WDR70: variants seen among roughly 807,000 people sequenced by gnomAD.
WDR70 encodes the protein WD repeat domain 70.
A neutral mutation model predicts 88.6 loss-of-function variants in WDR70; 53 were observed. That is an observed-to-expected ratio of 0.60 (90% CI 0.48 to 0.75). The LOEUF is 0.75. WDR70 is among the 30% of genes least tolerant of loss of function. The pLI is 0.00. For synonymous variants in WDR70, 280 were observed against 270.0 expected (o/e 1.04, Z -0.36); for missense variants, 610 against 823.2 (o/e 0.74, Z 3.17).
At chr5:37,519,035 CAGA>C (rs1293121111) in intron 9 of WDR70, among the ~76,000 whole-genome samples, 5 of 152,168 alleles carry the variant, frequency 3.3e-5, no homozygotes, top group African/African-American at 1.2e-4. Context: ...CATCCCAAGG[CAGA>C]AGAATTTTTC....
At chr5:37,491,834 A>G (rs1214691332) in intron 8 of WDR70, among the ~76,000 whole-genome samples, 2 of 152,192 alleles carry the variant, frequency 1.3e-5, no homozygotes, top group African/African-American at 2.4e-5. Flanking sequence ...TATTAATAAT[A>G]GATATAACTA....
chr5:37,582,273 G>C (rs1743241302), intron 9 of WDR70, among the ~76,000 whole-genome samples: 1 of 152,154 alleles, frequency 6.6e-6, no homozygotes, highest in Non-Finnish European at 1.5e-5. Context: ...AGGGATAGGT[G>C]AAAACCAAAC....
intron 10 of WDR70, among the ~76,000 whole-genome samples, chr5:37,663,188 G>C (rs1179868044): frequency 6.6e-6 from 1 of 152,164 alleles, no homozygotes; most frequent in Non-Finnish European, 1.5e-5. Context: ...AGGGAAAATG[G>C]TTTTAGTTTT....
chr5:37,401,164 ATT>A (rs559450523), intron 5 of WDR70, among the ~76,000 whole-genome samples: 5,860 of 68,740 alleles, frequency 0.085, 539 homozygotes, highest in African/African-American at 0.29. Flanking sequence ...ACACCTAGCT[ATT>A]TTTTTTTTTT....
Position 37,396,911 on chromosome 5 carries a change from G to A in WDR70, c.492+341G>A, listed in dbSNP as rs950351523. Among the ~76,000 whole-genome samples, 32 of 152,242 alleles carry A rather than the reference G, an allele frequency of 2.1e-4. 1 individual carries two copies. Among genetic ancestry groups the A allele is most frequent in the Non-Finnish European group, 7.3e-5 (5 of 68,050 alleles). On this transcript the variant is annotated intron_variant, in intron 5 of 17. Transcript: ENST00000265107. ...TAATCCCGGCACTTTGGGAGGCCGAGGTGGACGGATCGCTTGAGCTCAGGA... is the reference window on the plus strand; with the variant it reads ...TAATCCCGGCACTTTGGGAGGCCGAAGTGGACGGATCGCTTGAGCTCAGGA...
chr5:37,748,749 G>A (rs1001587405), intron 17 of WDR70, among the ~76,000 whole-genome samples: 13 of 152,078 alleles, frequency 8.5e-5, no homozygotes, highest in African/African-American at 3.1e-4. Context: ...GAATTTACAA[G>A]GAACTTAAAC....
At chr5:37,386,473 C>T (rs1325027525) in intron 3 of WDR70, among the ~76,000 whole-genome samples, 5 of 152,088 alleles carry the variant, frequency 3.3e-5, no homozygotes, top group Admixed American at 6.6e-5. Context: ...ATTATAGGCA[C>T]GTGCCACCAC....
rs913622216 is a variant in WDR70 at position 37,684,930 on chromosome 5, G to A, written c.1093-12725G>A. Reference sequence around the variant, plus strand: ...TGGAGGAAGCAGAGCTCAGGGGCATGAGGGCCCACACTGGTGTGTATGTGG... The same window carrying A: ...TGGAGGAAGCAGAGCTCAGGGGCATAAGGGCCCACACTGGTGTGTATGTGG... On this transcript the variant is annotated intron_variant, in intron 10 of 17. Coordinates refer to ENST00000265107, the MANE Select transcript of WDR70 (RefSeq NM_018034.4). 3.9e-5 allele frequency among the ~76,000 whole-genome samples: 6 copies of A among 152,208 alleles called. No homozygotes were observed. In the South Asian group the frequency reaches 1.0e-3, roughly 26 times the overall value.
At chr5:37,610,537 G>T (rs1744163546) in intron 10 of WDR70, among the ~76,000 whole-genome samples, 1 of 152,032 alleles carries the variant, frequency 6.6e-6, no homozygotes, top group Admixed American at 6.5e-5. Context: ...TAAATTACCT[G>T]ATAGGTATCC....
chr5:37,622,197 A>G (rs1744526054), intron 10 of WDR70, among the ~76,000 whole-genome samples: 1 of 152,166 alleles, frequency 6.6e-6, no homozygotes, highest in Non-Finnish European at 1.5e-5. Context: ...ATGAGATACC[A>G]TCTCTCACCA....
At chr5:37,749,684 T>TA (rs1204403784) in intron 17 of WDR70, among the ~76,000 whole-genome samples, 2 of 152,140 alleles carry the variant, frequency 1.3e-5, no homozygotes, top group African/African-American at 4.8e-5. Flanking sequence ...TTAACTGTCT[T>TA]ACCTTCCAAA....
intron 10 of WDR70, among the ~76,000 whole-genome samples, chr5:37,647,053 T>C (rs1745259926): frequency 6.6e-6 from 1 of 152,198 alleles, no homozygotes; most frequent in African/African-American, 2.4e-5. Context: ...TGCTTCATTC[T>C]TTTTTATTCC....
chr5:37,730,328 G>C (rs1353681908), intron 17 of WDR70, among the ~76,000 whole-genome samples: 2 of 152,054 alleles, frequency 1.3e-5, no homozygotes, highest in East Asian at 3.8e-4. Flanking sequence ...TTTGAAATTT[G>C]AATTGATCAG....
chr5:37,620,545 C>T (rs1054057181), intron 10 of WDR70, among the ~76,000 whole-genome samples: 2 of 152,134 alleles, frequency 1.3e-5, no homozygotes, highest in African/African-American at 4.8e-5. Flanking sequence ...CATATCTTTG[C>T]ATGGACACAC....
chr5:37,570,371 T>C (rs897710880), intron 9 of WDR70, among the ~76,000 whole-genome samples: 1 of 152,120 alleles, frequency 6.6e-6, no homozygotes, highest in Non-Finnish European at 1.5e-5. Context: ...GTTTGAAGTA[T>C]ATGAGAAACT....
intron 7 of WDR70, among the ~76,000 whole-genome samples, chr5:37,464,162 C>T (rs1215383541): frequency 6.6e-6 from 1 of 152,156 alleles, no homozygotes. Context: ...TCAGAAGAAA[C>T]AAAGTGATCT....
At position 37,522,384 on chromosome 5, in the gene WDR70, T is replaced by C. The variant is rs1470035652; in HGVS notation, c.917+5794T>C. ...TACCTGTGAGGCTGAGGCAGAAGAA[T>C]CACTTGAACCCAGGAGGTGGAGGTT... On this transcript the variant is annotated intron_variant, in intron 9 of 17. Coordinates refer to ENST00000265107, the MANE Select transcript of WDR70 (RefSeq NM_018034.4). Among the ~76,000 whole-genome samples the C allele has an allele frequency of 2.1e-5, 3 of 145,188 alleles. No individual in the cohort carries two copies. The East Asian group carries it at 6.2e-4, about 30-fold the overall frequency.
At chr5:37,672,430 C>G (rs1296255311) in intron 10 of WDR70, among the ~76,000 whole-genome samples, 2 of 152,110 alleles carry the variant, frequency 1.3e-5, no homozygotes, top group Non-Finnish European at 2.9e-5. Flanking sequence ...AAAACCCGCT[C>G]GTACATTCGT....
At chr5:37,557,902 T>C in intron 9 of WDR70, among the ~76,000 whole-genome samples, 1 of 131,310 alleles carries the variant, frequency 7.6e-6, no homozygotes, top group Non-Finnish European at 1.7e-5. Flanking sequence ...TTCAGATTTA[T>C]ACTCTTTTGA....
Sources: allele counts gnomAD v4.1 joint callset (sites outside exome capture counted in the v4.1 genomes callset), GRCh38; gene constraint gnomAD v4.1.1; transcripts MANE v1.5; gene names NCBI Gene and HGNC (gene_info 2026-07-23, HGNC 2026-07-21).